The following PALM2AKAP2 variants were observed in gnomAD, a reference collection of about 807,000 sequenced individuals.
PALM2AKAP2 encodes the protein PALM2 and AKAP2 fusion.
In PALM2AKAP2, 37 loss-of-function variants were observed where a neutral mutation model predicts 71.5. The ratio of observed to expected loss-of-function variants is 0.52; its 90% CI spans 0.40 to 0.68. The LOEUF (loss-of-function observed/expected upper bound fraction) is 0.68, where lower values mean the gene tolerates loss of function less well. PALM2AKAP2 is among the 30% of genes least tolerant of loss of function. The pLI is 0.00. For missense variants in PALM2AKAP2, 1,224 were observed against 1,191.8 expected (o/e 1.03, Z -0.40); for synonymous variants, 468 against 478.8 (o/e 0.98, Z 0.29).
Position 109,676,287 on chromosome 9 carries a change from A to T in PALM2AKAP2, c.5+35421A>T, listed in dbSNP as rs1013261224. 3.7e-4 allele frequency among the ~76,000 whole-genome samples: 57 copies of T among 152,180 alleles called. 1 individual carries two copies. The highest frequency in any genetic ancestry group is 3.6e-3 in the Admixed American group (55 of 15,278). On this transcript the variant is annotated intron_variant, in intron 1 of 6. Transcript: ENST00000374531. ...TGATCTTGTATTATACTAGAAGAAA[A>T]TAGGGAGGAATTATTGTTTGTCCAC...
chr9:109,828,938 T>G (rs1259195002), intron 1 of PALM2AKAP2, among the ~76,000 whole-genome samples: 5 of 152,220 alleles, frequency 3.3e-5, no homozygotes, highest in African/African-American at 1.2e-4. Context: ...GGCGATGATG[T>G]GATGTTGGGG....
chr9:109,661,076 T>G (rs1587857700), intron 1 of PALM2AKAP2, among the ~76,000 whole-genome samples: 2 of 152,222 alleles, frequency 1.3e-5, no homozygotes, highest in South Asian at 4.1e-4. Flanking sequence ...CTTTGTCAGA[T>G]GGGTAGATTG....
intron 1 of PALM2AKAP2, among the ~76,000 whole-genome samples, chr9:109,830,229 G>A (rs1453532210): frequency 6.6e-6 from 1 of 152,188 alleles, no homozygotes; most frequent in Admixed American, 6.5e-5. Context: ...ATTCTCATGA[G>A]TAATTTTGAT....
At position 109,951,541 on chromosome 9, in the gene PALM2AKAP2, A is replaced by T. The variant is rs370607540; in HGVS notation, c.496+19513A>T. Among the ~76,000 whole-genome samples, 29 of 152,258 alleles carry T rather than the reference A, an allele frequency of 1.9e-4. No homozygotes were observed. The East Asian group carries it at 2.5e-3, about 13-fold the overall frequency. ...CTGCCACTAGCGGACTTCAGGCCAG[A>T]CCGTGTTGGGAGCACCTTCCGCTGT... On this transcript the variant is annotated intron_variant, in intron 6 of 9. Coordinates refer to the PALM2AKAP2 transcript ENST00000302798.
intron 1 of PALM2AKAP2, among the ~76,000 whole-genome samples, chr9:109,679,748 A>C (rs567964702): frequency 1.3e-5 from 2 of 152,258 alleles, no homozygotes; most frequent in Admixed American, 6.5e-5. Context: ...AAACAAAAAA[A>C]CCAAAACTCT....
intron 6 of PALM2AKAP2, among the ~76,000 whole-genome samples, chr9:109,997,093 G>A (rs1488976193): frequency 1.3e-5 from 2 of 152,134 alleles, no homozygotes; most frequent in Non-Finnish European, 2.9e-5. Flanking sequence ...GGAGGCTGAG[G>A]TGAAAGGATC....
intron 1 of PALM2AKAP2, among the ~76,000 whole-genome samples, chr9:109,786,171 C>G (rs554119694): frequency 4.9e-4 from 75 of 152,374 alleles, no homozygotes; most frequent in Middle Eastern, 3.4e-3. Context: ...CCTTGAGTAC[C>G]AGGCTTGGAG....
chr9:109,800,898 A>T (rs1380065639), intron 1 of PALM2AKAP2, among the ~76,000 whole-genome samples: 1 of 152,208 alleles, frequency 6.6e-6, no homozygotes, highest in African/African-American at 2.4e-5. Context: ...ACGTCTTAGG[A>T]CTCAAAGCCT....
chr9:110,040,887 A>C (rs1483877622), intron 7 of PALM2AKAP2, among the ~76,000 whole-genome samples: 1 of 152,172 alleles, frequency 6.6e-6, no homozygotes, highest in Non-Finnish European at 1.5e-5. Flanking sequence ...TTCCAAGTAT[A>C]TTAGGCATAT....
At chr9:109,957,246 C>A (rs1362891831) in intron 6 of PALM2AKAP2, among the ~76,000 whole-genome samples, 2 of 152,122 alleles carry the variant, frequency 1.3e-5, no homozygotes, top group Non-Finnish European at 2.9e-5. Flanking sequence ...GTTAATTGAG[C>A]AAAGTTACGT....
intron 6 of PALM2AKAP2, chr9:109,942,806 A>T (rs1189206625): frequency 1.2e-6 from 2 of 1,614,046 alleles, no homozygotes; most frequent in African/African-American, 1.3e-5. Flanking sequence ...GTCTATGATG[A>T]TGGTACCAAA....
intron 1 of PALM2AKAP2, among the ~76,000 whole-genome samples, chr9:110,111,252 C>T (rs1835245829): frequency 6.6e-6 from 1 of 151,714 alleles, no homozygotes; most frequent in South Asian, 2.1e-4. Context: ...CCACCAAACC[C>T]GGGTATTTCT....
In PALM2AKAP2 at chr9:109,942,317, T is replaced by G. The variant is rs146795517; in HGVS notation, c.496+10289T>G. ...ACCTGGAACACATTTTAACCAAGGG[T>G]TTGTAAATTGTCTGTCAGCCTGGGA... On this transcript the variant is annotated intron_variant, in intron 6 of 9. Transcript: ENST00000302798. Among the ~76,000 whole-genome samples the G allele has an allele frequency of 3.0e-3, 452 of 152,240 alleles. 4 individuals carry two copies. Among genetic ancestry groups the G allele is most frequent in the African/African-American group, 0.011 (442 of 41,532 alleles).
intron 3 of PALM2AKAP2, among the ~76,000 whole-genome samples, chr9:110,157,122 C>G (rs934272293): frequency 1.3e-5 from 2 of 152,214 alleles, no homozygotes; most frequent in Non-Finnish European, 2.9e-5. Flanking sequence ...GTCACATGCT[C>G]TGTGGTTTCT....
chr9:110,170,057 T>A (rs181202177), exon 4 of PALM2AKAP2: 1 of 152,720 alleles, frequency 6.5e-6, no homozygotes, highest in Admixed American at 6.5e-5. Context: ...GAGAGTCTCC[T>A]ATTTATTCTC....
At chr9:109,886,441 T>G (rs1829969295) in intron 3 of PALM2AKAP2, among the ~76,000 whole-genome samples, 1 of 152,178 alleles carries the variant, frequency 6.6e-6, no homozygotes, top group Non-Finnish European at 1.5e-5. Flanking sequence ...AAATACAGGG[T>G]TTTTAACTTC....
At chr9:109,730,314 C>A (rs1828536266) in intron 1 of PALM2AKAP2, among the ~76,000 whole-genome samples, 1 of 152,154 alleles carries the variant, frequency 6.6e-6, no homozygotes, top group South Asian at 2.1e-4. Flanking sequence ...AAATGTCTTG[C>A]TGTGAATATT....
intron 1 of PALM2AKAP2, among the ~76,000 whole-genome samples, chr9:109,781,162 C>T (rs1053973362): frequency 6.6e-6 from 1 of 152,200 alleles, no homozygotes; most frequent in African/African-American, 2.4e-5. Context: ...AACCTATTTT[C>T]AGCCTACAAA....
At chr9:110,159,256 A>G (rs1836537559) in intron 3 of PALM2AKAP2, among the ~76,000 whole-genome samples, 2 of 152,200 alleles carry the variant, frequency 1.3e-5, no homozygotes, top group Admixed American at 1.3e-4. Flanking sequence ...CTATTCTCAC[A>G]GAGAAACATG....
Sources: gnomAD v4.1 joint callset for allele counts (sites outside exome capture counted in the v4.1 genomes callset) on GRCh38, gnomAD v4.1.1 for gene constraint, MANE v1.5 for transcripts, NCBI Gene and HGNC (gene_info 2026-07-23, HGNC 2026-07-21) for gene names.